The following KIF5C variants were observed in gnomAD, a reference collection of about 807,000 sequenced individuals.
KIF5C encodes the protein kinesin family member 5C.
Under a neutral mutation model 125.2 loss-of-function variants are expected in KIF5C, and 18 were observed. The ratio of observed to expected loss-of-function variants is 0.14; its 90% CI spans 0.10 to 0.21. KIF5C has a LOEUF of 0.21. KIF5C is among the 10% of genes least tolerant of loss of function. The probability of loss-of-function intolerance (pLI) is 1.00; values close to 1 mark genes in which losing one functional copy is unlikely to be tolerated. For synonymous variants in KIF5C, 405 were observed against 434.0 expected (o/e 0.93, Z 0.83); for missense variants, 780 against 1,183.8 (o/e 0.66, Z 5.01).
At position 148,946,941 on chromosome 2, in the gene KIF5C, T is replaced by TA; in HGVS notation, c.635dup (p.Asn212LysfsTer3). ...TCTAGAAGTCACAGTATCTTCCTGA[T>TA]AAATATTAAACAAGAGAATGTAGAG... On this transcript the variant is annotated frameshift_variant, in exon 8 of 26. Transcript: ENST00000435030. LOFTEE classifies it high-confidence loss of function. 6.2e-7 allele frequency: 1 copy of TA among 1,613,434 alleles called. No individual in the cohort carries two copies. The highest frequency in any genetic ancestry group is 8.5e-7 in the Non-Finnish European group (1 of 1,179,736).
At chr2:149,007,878 G>T in intron 22 of KIF5C, 85 bp from the exon 23 acceptor site, 1 of 1,217,570 alleles carries the variant, frequency 8.2e-7, no homozygotes, top group Non-Finnish European at 1.1e-6. Context: ...TGGGAATGGG[G>T]ATTTTTTTTT....
At chr2:149,011,711 C>G (rs753986451) in intron 25 of KIF5C, 28 bp downstream of exon 25, 7 of 1,613,500 alleles carry the variant, frequency 4.3e-6, no homozygotes, top group South Asian at 1.1e-5. Context: ...GGTGGTTTCT[C>G]TATCTGGAGG....
At chr2:148,971,737 A>G (rs1680917482) in intron 11 of KIF5C, among the ~76,000 whole-genome samples, 1 of 152,184 alleles carries the variant, frequency 6.6e-6, no homozygotes, top group African/African-American at 2.4e-5. Flanking sequence ...AATTTTACTT[A>G]ACACGGAGGC....
intron 1 of KIF5C, among the ~76,000 whole-genome samples, chr2:148,897,074 C>T (rs1043369062): frequency 6.6e-6 from 1 of 152,204 alleles, no homozygotes; most frequent in African/African-American, 2.4e-5. Context: ...CTCAGGTGAT[C>T]TGCCCGTCTT....
chr2:148,955,606 A>G lies in KIF5C; in HGVS notation c.968+5144A>G, dbSNP rs565124038. Among the ~76,000 whole-genome samples, 7 of 152,124 alleles carry G rather than the reference A, an allele frequency of 4.6e-5. No homozygotes were observed. In the East Asian group the frequency reaches 1.2e-3, roughly 25 times the overall value. On this transcript the variant is annotated intron_variant, in intron 10 of 25. Coordinates refer to ENST00000435030, the MANE Select transcript of KIF5C (RefSeq NM_004522.3). ...GTATATCATATATATGTATGTATGT[A>G]TATATAGTAGGATTTTATATATACA...
chr2:149,021,223 G>T (rs1030819565), intron 25 of KIF5C, among the ~76,000 whole-genome samples: 15 of 151,848 alleles, frequency 9.9e-5, no homozygotes, highest in Admixed American at 3.3e-4. Context: ...CCACCATGCC[G>T]GGCTAATTTT....
intron 15 of KIF5C, among the ~76,000 whole-genome samples, chr2:148,989,617 T>C (rs1251324806): frequency 1.3e-5 from 2 of 152,246 alleles, no homozygotes; most frequent in East Asian, 3.8e-4. Context: ...TGTAAAAGCA[T>C]TCCCTGTTCA....
At chr2:148,983,825 G>A in intron 15 of KIF5C, 59 bp downstream of exon 15, 3 of 1,488,012 alleles carry the variant, frequency 2.0e-6, no homozygotes, top group Non-Finnish European at 1.8e-6. Flanking sequence ...TAGGGTCTGT[G>A]CTTTACTCTT....
chr2:149,008,989 A>G (rs1682097836), intron 23 of KIF5C, among the ~76,000 whole-genome samples: 1 of 144,272 alleles, frequency 6.9e-6, no homozygotes, highest in Admixed American at 6.9e-5. Context: ...GTTTTTTTTA[A>G]TGTTTTTTTT....
chr2:148,911,933 G>T (rs902152952), intron 1 of KIF5C, among the ~76,000 whole-genome samples: 3 of 152,092 alleles, frequency 2.0e-5, no homozygotes, highest in African/African-American at 7.2e-5. Flanking sequence ...TCATCACACT[G>T]ATTTTTCCTG....
At chr2:148,893,283 C>G (rs1681757465) in intron 1 of KIF5C, among the ~76,000 whole-genome samples, 1 of 152,216 alleles carries the variant, frequency 6.6e-6, no homozygotes, top group Admixed American at 6.5e-5. Context: ...AAGTGCCACT[C>G]AGATTTATGC....
chr2:149,001,681 T>G (rs1681855385), intron 21 of KIF5C, among the ~76,000 whole-genome samples: 1 of 152,240 alleles, frequency 6.6e-6, no homozygotes, highest in African/African-American at 2.4e-5. Flanking sequence ...GCTGCCTGGC[T>G]CCGTGCCCCA....
intron 19 of KIF5C, among the ~76,000 whole-genome samples, chr2:148,999,567 T>C (rs6739704): frequency 0.057 from 8,704 of 152,322 alleles, 659 homozygotes; most frequent in African/African-American, 0.17. Flanking sequence ...TTTCTCCTCT[T>C]CGGCCATCCC....
intron 1 of KIF5C, among the ~76,000 whole-genome samples, chr2:148,906,740 C>T (rs917317867): frequency 5.3e-5 from 8 of 151,304 alleles, no homozygotes; most frequent in Admixed American, 1.3e-4. Context: ...TGGTGCATGC[C>T]TGTAGTCCCA....
chr2:148,894,697 T>C (rs1293291971), intron 1 of KIF5C, among the ~76,000 whole-genome samples: 1 of 150,444 alleles, frequency 6.6e-6, no homozygotes, highest in African/African-American at 2.5e-5. Context: ...CAAATAAGTT[T>C]AGTACAATAT....
rs565355696 is a variant in KIF5C at position 148,908,509 on chromosome 2, T to C, written c.127-13628T>C. Among the ~76,000 whole-genome samples the C allele has an allele frequency of 2.0e-5, 3 of 152,356 alleles. No individual in the cohort carries two copies. The East Asian group carries it at 5.8e-4, about 29-fold the overall frequency. On this transcript the variant is annotated intron_variant, in intron 1 of 25. Transcript: ENST00000435030. ...AAGGGCCACCCTGACCTTAGCGTAG[T>C]AGGAGAGGGGTTATGGACATGGGCT...
Position 148,922,132 on chromosome 2 carries a change from T to G in KIF5C, c.127-5T>G. ...CTTTTTCTTCCCTTTGTCTTTCTTT[T>G]TTAGCAAGGGAAGCCATATGTCTTC... is the stretch of plus-strand genomic sequence containing the variant. On this transcript the variant is annotated splice_polypyrimidine_tract_variant and splice_region_variant and intron_variant, in intron 1 of 25. Transcript: ENST00000435030. 1.9e-6 allele frequency: 3 copies of G among 1,591,776 alleles called. No individual in the cohort carries two copies. Among genetic ancestry groups the G allele is most frequent in the Non-Finnish European group, 2.6e-6 (3 of 1,169,370 alleles).
intron 17 of KIF5C, among the ~76,000 whole-genome samples, chr2:148,995,400 T>G (rs1008551127): frequency 2.0e-5 from 3 of 152,208 alleles, no homozygotes; most frequent in African/African-American, 7.2e-5. Context: ...CAGCCAGCCT[T>G]GTGATCTCCT....
chr2:148,925,754 A>T (rs1331690137), intron 2 of KIF5C, among the ~76,000 whole-genome samples: 1 of 152,218 alleles, frequency 6.6e-6, no homozygotes, highest in East Asian at 1.9e-4. Flanking sequence ...TGCAAAAGAC[A>T]GGGCTAGGAA....
Sources: gnomAD v4.1 joint callset for allele counts (sites outside exome capture counted in the v4.1 genomes callset) on GRCh38, gnomAD v4.1.1 for gene constraint, MANE v1.5 for transcripts, NCBI Gene and HGNC (gene_info 2026-07-23, HGNC 2026-07-21) for gene names.